The following C10orf90 variants were observed in gnomAD, a reference collection of about 807,000 sequenced individuals.
C10orf90 encodes (E2-independent) E3 ubiquitin-conjugating enzyme FATS.
In C10orf90, 56 loss-of-function variants were observed where a neutral mutation model predicts 62.5. The ratio of observed to expected loss-of-function variants is 0.90; its 90% CI spans 0.72 to 1.12. C10orf90 has a LOEUF of 1.12. Among genes scored for constraint, C10orf90 ranks in the 50% most tolerant of loss-of-function variants. The probability of loss-of-function intolerance (pLI) is 0.00; values close to 1 mark genes in which losing one functional copy is unlikely to be tolerated. For missense variants in C10orf90, 970 were observed against 880.4 expected, an observed-to-expected ratio of 1.10 and a Z score of -1.29; for synonymous variants, 386 against 340.4, an observed-to-expected ratio of 1.13 and a Z score of -1.47.
intron 3 of C10orf90, among the ~76,000 whole-genome samples, chr10:126,511,297 T>A (rs1452640866): frequency 6.6e-6 from 1 of 152,240 alleles, no homozygotes; most frequent in Admixed American, 6.5e-5. Context: ...AACAACTCAC[T>A]GCAGTGTGAT....
In C10orf90 at chr10:126,429,789, C is replaced by G; in HGVS notation, c.2250G>C (p.Lys750Asn). Reference protein sequence around the residue: ...ISEKEMHMRSKRIYDNLPEVK... With the variant: ...ISEKEMHMRSNRIYDNLPEVK... ...CACACCATACAATAACCAAGTACCTCTTAGATCGCATATGCATCTCCTTCT... is the reference window on the plus strand; with the variant it reads ...CACACCATACAATAACCAAGTACCTGTTAGATCGCATATGCATCTCCTTCT... The change falls in exon 8 of 10, where the codon AAG becomes AAC. Residue 750 changes from lysine (K) to asparagine (N), a missense_variant and splice_region_variant. Physicochemically the swap from Lys to Asn is moderately conservative, Grantham distance 94. Transcript: ENST00000488181. 6.2e-7 allele frequency: 1 copy of G among 1,613,986 alleles called. No individual in the cohort carries two copies. Among genetic ancestry groups the G allele is most frequent in the Non-Finnish European group, 8.5e-7 (1 of 1,179,900 alleles).
intron 2 of C10orf90, among the ~76,000 whole-genome samples, chr10:126,603,997 G>A (rs995575059): frequency 2.9e-4 from 44 of 152,176 alleles, no homozygotes; most frequent in African/African-American, 1.0e-3. Context: ...GGCTGAGCTC[G>A]AAGCCTGGAG....
At chr10:126,594,913 T>C (rs1845054617) in intron 2 of C10orf90, among the ~76,000 whole-genome samples, 2 of 152,162 alleles carry the variant, frequency 1.3e-5, no homozygotes, top group Admixed American at 1.3e-4. Context: ...GTCTGGACTG[T>C]GTCCTCAGTG....
intron 2 of C10orf90, chr10:126,521,446 C>A: frequency 6.6e-7 from 1 of 1,524,564 alleles, no homozygotes; most frequent in South Asian, 1.3e-5. Context: ...CAGAATGAGT[C>A]AGGCTTCCAC....
chr10:126,517,908 CAAAAAAAAAAA>C lies in C10orf90; in HGVS notation c.314-3980_314-3970del, dbSNP rs34182199. ...CTGGCAACACAGTGAGACTCCATCT[CAAAAAAAAAAA>C]AAAAAAAAAAGGAATACAAAGGTCA... On this transcript the variant is annotated intron_variant, in intron 2 of 9. Coordinates refer to ENST00000488181, the MANE Select transcript of C10orf90 (RefSeq NM_001350921.2). Among the ~76,000 whole-genome samples, 64 of 80,830 alleles carry C rather than the reference CAAAAAAAAAAA, an allele frequency of 7.9e-4. 1 individual carries two copies. In the Middle Eastern group the frequency reaches 0.019, roughly 25 times the overall value. 53.0% of individuals were successfully genotyped at this position (80,830 alleles called of 152,430 possible).
chr10:126,628,466 T>C (rs1898296), intron 2 of C10orf90, among the ~76,000 whole-genome samples: 86,478 of 151,574 alleles, frequency 0.57, 24,963 homozygotes, highest in Middle Eastern at 0.69. Context: ...TTGTGTTTGT[T>C]GCTGTTTCAC....
chr10:126,437,533 A>C (rs956996652), intron 7 of C10orf90, among the ~76,000 whole-genome samples: 8 of 152,174 alleles, frequency 5.3e-5, no homozygotes, highest in African/African-American at 1.9e-4. Context: ...TTAAATCCCT[A>C]CATGGGTTTT....
chr10:126,607,117 A>G (rs567824015), intron 2 of C10orf90, among the ~76,000 whole-genome samples: 2 of 152,292 alleles, frequency 1.3e-5, no homozygotes, highest in South Asian at 4.1e-4. Flanking sequence ...GCTCCATAAC[A>G]TGAATGAAGG....
At chr10:126,443,047 CA>C (rs2134033704) in intron 7 of C10orf90, among the ~76,000 whole-genome samples, 1 of 152,110 alleles carries the variant, frequency 6.6e-6, no homozygotes, top group East Asian at 1.9e-4. Context: ...TGAATGCCTA[CA>C]TCAAAAAGAC....
intron 3 of C10orf90, chr10:126,512,260 G>A (rs1451977897): frequency 2.7e-5 from 1 of 37,720 alleles, no homozygotes; most frequent in Non-Finnish European, 5.3e-5. Context: ...AGCGAAAGGG[G>A]CGAGAGAGAG....
chr10:126,456,563 T>C lies in C10orf90; in HGVS notation c.2188+2477A>G, dbSNP rs770668226. ...CACCACAGTTGAATGATATAATGAG[T>C]GTAATGATGTCGCCCCAACAAAAAG... On this transcript the variant is annotated intron_variant, in intron 7 of 9. Coordinates refer to ENST00000488181, the MANE Select transcript of C10orf90 (RefSeq NM_001350921.2). The surrounding 1 kb of genome is among the most constrained non-coding windows in gnomAD (Gnocchi z 4.9). 6.6e-6 allele frequency among the ~76,000 whole-genome samples: 1 copy of C among 152,184 alleles called. No homozygotes were observed. The highest frequency in any genetic ancestry group is 2.4e-5 in the African/African-American group (1 of 41,438).
chr10:126,656,493 C>A (rs947975745), intron 1 of C10orf90, among the ~76,000 whole-genome samples: 2 of 152,192 alleles, frequency 1.3e-5, no homozygotes, highest in African/African-American at 4.8e-5. Context: ...TCCAAGGTCA[C>A]CTGATCAAGG....
intron 2 of C10orf90, among the ~76,000 whole-genome samples, chr10:126,530,674 A>C (rs932863127): frequency 6.6e-6 from 1 of 152,160 alleles, no homozygotes; most frequent in Non-Finnish European, 1.5e-5. Context: ...AATGAGAAGG[A>C]AGAAACCAAA....
chr10:126,542,308 G>C (rs1564864341), intron 2 of C10orf90, among the ~76,000 whole-genome samples: 2 of 152,046 alleles, frequency 1.3e-5, no homozygotes, highest in Admixed American at 6.5e-5. Context: ...TTTGAGTCCA[G>C]CTTGGCCAAC....
chr10:126,502,741 G>C (rs375790732), intron 4 of C10orf90: 2 of 495,700 alleles, frequency 4.0e-6, no homozygotes, highest in Admixed American at 2.3e-5. Flanking sequence ...TAAGGAAGAC[G>C]AAGTGCTTAG....
chr10:126,592,948 C>T (rs536356776), intron 2 of C10orf90, among the ~76,000 whole-genome samples: 5 of 152,188 alleles, frequency 3.3e-5, no homozygotes, highest in Admixed American at 6.5e-5. Context: ...AGCTCAACTT[C>T]ACTGATCATT....
chr10:126,571,797 G>T (rs911264432), intron 2 of C10orf90, among the ~76,000 whole-genome samples: 2 of 152,058 alleles, frequency 1.3e-5, no homozygotes, highest in African/African-American at 4.8e-5. Context: ...TGGGACTCCA[G>T]GCGTAAATAA....
rs147974037 is a variant in C10orf90 at position 126,607,523 on chromosome 10, A to T, written c.313+39042T>A. On this transcript the variant is annotated intron_variant, in intron 2 of 9. Transcript: ENST00000488181. ...TGATAATATGGGTTATCAATGATCA[A>T]ATTTGAATTTTAAATTAGAATTTTG... Among the ~76,000 whole-genome samples, 491 of 152,318 alleles carry T rather than the reference A, an allele frequency of 3.2e-3. 2 individuals carry two copies. Among genetic ancestry groups the T allele is most frequent in the African/African-American group, 0.011 (459 of 41,572 alleles).
At chr10:126,601,340 C>T (rs1845194026) in intron 2 of C10orf90, among the ~76,000 whole-genome samples, 1 of 152,154 alleles carries the variant, frequency 6.6e-6, no homozygotes, top group African/African-American at 2.4e-5. Flanking sequence ...ATTGTAACTG[C>T]TCTTGCCCCC....
Sources: gnomAD v4.1 joint callset for allele counts (sites outside exome capture counted in the v4.1 genomes callset) on GRCh38, gnomAD v4.1.1 for gene constraint, Gnocchi (gnomAD v3.1) non-coding constraint, MANE v1.5 for transcripts, NCBI Gene and HGNC (gene_info 2026-07-23, HGNC 2026-07-21) for gene names.